GTPBP4: variants seen among roughly 807,000 people sequenced by gnomAD.
The protein encoded by GTPBP4 is GTP-binding protein 4.
Under a neutral mutation model 81.7 loss-of-function variants are expected in GTPBP4, and 15 were observed. That is an observed-to-expected ratio of 0.18 (90% CI 0.12 to 0.28). GTPBP4 has a LOEUF of 0.28. Among genes scored for constraint, GTPBP4 ranks in the 10% least tolerant of loss-of-function variants. The pLI is 1.00. For synonymous variants in GTPBP4, 272 were observed against 274.6 expected (o/e 0.99, Z 0.09); for missense variants, 847 against 793.8 (o/e 1.07, Z -0.81).
chr10:1,011,190 T>A, intron 13 of GTPBP4, among the ~76,000 whole-genome samples: 1 of 98,684 alleles, frequency 1.0e-5, no homozygotes, highest in South Asian at 3.6e-4. Flanking sequence ...TGCACCACCT[T>A]CCCCACCCTG....
chr10:990,871 A>G (rs2132153358), intron 1 of GTPBP4, among the ~76,000 whole-genome samples: 1 of 151,492 alleles, frequency 6.6e-6, no homozygotes, highest in South Asian at 2.1e-4. Context: ...GTCAGGGGGA[A>G]CCTTATGAAG....
At position 1,000,755 on chromosome 10, in the gene GTPBP4, G is replaced by A; in HGVS notation, c.733G>A (p.Ala245Thr). 6.2e-7 allele frequency: 1 copy of A among 1,604,840 alleles called. No individual in the cohort carries two copies. Among genetic ancestry groups the A allele is most frequent in the Non-Finnish European group, 8.5e-7 (1 of 1,175,364 alleles). Residue 245 changes from alanine (A) to threonine (T), a missense_variant, in exon 7 of 17, where the codon GCC becomes ACC. Ala to Thr is a moderately conservative substitution (Grantham distance 58). Coordinates refer to ENST00000360803, the MANE Select transcript of GTPBP4 (RefSeq NM_012341.3). Reference sequence around the variant, plus strand: ...CGAGATGCAGGCCATCACTGCCCTGGCCCACCTCCGTGCTGCGGTCCTGTA... The same window carrying A: ...CGAGATGCAGGCCATCACTGCCCTGACCCACCTCCGTGCTGCGGTCCTGTA... ...TIEMQAITALAHLRAAVLYVM... is the reference protein window; with the variant it reads ...TIEMQAITALTHLRAAVLYVM...
rs767407623 is a variant in GTPBP4, at chr10:1,019,615, A to G, written c.*2388A>G. Reference sequence around the variant, plus strand: ...AACCTCTCGGCAATGGTTCTTAGCCAGGGGGTGACTTTGACTTCACCCCTC... The same window carrying G: ...AACCTCTCGGCAATGGTTCTTAGCCGGGGGGTGACTTTGACTTCACCCCTC... On this transcript the variant is annotated 3_prime_UTR_variant, in exon 17 of 17. Transcript: ENST00000360803. 6.2e-7 allele frequency: 1 copy of G among 1,613,954 alleles called. No individual in the cohort carries two copies. The highest frequency in any genetic ancestry group is 1.7e-5 in the Admixed American group (1 of 59,992).
Position 1,007,977 on chromosome 10 carries a change from TTC to T in GTPBP4, c.1113+853_1113+854del, listed in dbSNP as rs746832771. Reference sequence around the variant, plus strand: ...CTTGTCAGATACATTGCAAATTTTTTTCTCTTTTTGTCACTTGCCTTTTTAAC... The same window carrying T: ...CTTGTCAGATACATTGCAAATTTTTTTCTTTTTGTCACTTGCCTTTTTAAC... On this transcript the variant is annotated intron_variant, in intron 10 of 16. Coordinates refer to ENST00000360803, the MANE Select transcript of GTPBP4 (RefSeq NM_012341.3). 21 of 517,828 alleles carry T rather than the reference TTC, an allele frequency of 4.1e-5. 2 individuals are homozygous for T. Among genetic ancestry groups the T allele is most frequent in the South Asian group, 2.5e-4 (18 of 71,352 alleles). 32.1% of individuals were successfully genotyped at this position (517,828 alleles called of 1,614,324 possible). A position where few individuals can be genotyped will look rare whatever the true frequency, so the allele number is the denominator to read the frequency against.
chr10:1,007,171 A>G (rs1266850980), intron 10 of GTPBP4, 43 bp downstream of exon 10: 1 of 1,073,570 alleles, frequency 9.3e-7, no homozygotes, highest in Non-Finnish European at 1.5e-6. Context: ...CAGTACTGTC[A>G]GCAGGTGCTG....
chr10:992,074 A>G (rs1270118083), intron 1 of GTPBP4, among the ~76,000 whole-genome samples: 3 of 151,470 alleles, frequency 2.0e-5, no homozygotes, highest in African/African-American at 7.3e-5. Context: ...TTGTAATTTA[A>G]AATATGTAGT....
intron 12 of GTPBP4, 56 bp downstream of exon 12, chr10:1,009,636 C>A: frequency 1.0e-6 from 1 of 966,710 alleles, no homozygotes; most frequent in Non-Finnish European, 1.7e-6. Flanking sequence ...TGAAGTATTT[C>A]AGAAAATGGG....
intron 4 of GTPBP4, 46 bp downstream of exon 4, chr10:996,288 A>T (rs767946324): frequency 6.4e-7 from 1 of 1,556,274 alleles, no homozygotes; most frequent in Non-Finnish European, 8.7e-7. Context: ...TCCTGCTGAG[A>T]GGATGCGTCC....
chr10:995,716 C>T (rs1238750228), intron 2 of GTPBP4, among the ~76,000 whole-genome samples: 1 of 152,028 alleles, frequency 6.6e-6, no homozygotes, highest in Non-Finnish European at 1.5e-5. Flanking sequence ...GCACTGAGAG[C>T]GAGGTGGGTG....
chr10:992,509 G>A lies in GTPBP4; in HGVS notation c.69G>A (p.Leu23=). 6.2e-7 allele frequency: 1 copy of A among 1,601,616 alleles called. No individual in the cohort carries two copies. Residue 23 remains leucine (L), a synonymous_variant, in exon 2 of 17, where the codon TTG becomes TTA. Transcript: ENST00000360803. ...PSAKDFIDLT[L]SKTQRKTPTV... ...TGCAGGACTTCATAGACCTCACGTTGTCGAAGACTCAACGAAAGACTCCAA... is the reference window on the plus strand; with the variant it reads ...TGCAGGACTTCATAGACCTCACGTTATCGAAGACTCAACGAAAGACTCCAA...
chr10:1,010,337 T>G, intron 12 of GTPBP4, 83 bp from the exon 13 acceptor site: 1 of 726,884 alleles, frequency 1.4e-6, no homozygotes, highest in Non-Finnish European at 2.5e-6. Context: ...TGATTTGCCG[T>G]CAGTCACAAC....
At chr10:991,409 G>A (rs1185569300) in intron 1 of GTPBP4, among the ~76,000 whole-genome samples, 2 of 152,198 alleles carry the variant, frequency 1.3e-5, no homozygotes, top group Admixed American at 1.3e-4. Context: ...TTATTAAAGA[G>A]AAGTGCTGAC....
chr10:998,157 T>C (rs979309924), intron 5 of GTPBP4, among the ~76,000 whole-genome samples: 1 of 152,190 alleles, frequency 6.6e-6, no homozygotes, highest in Non-Finnish European at 1.5e-5. Context: ...TGAAGTGCAG[T>C]GGTGCAGACA....
At chr10:997,415 T>G (rs929410641) in intron 5 of GTPBP4, 107 bp downstream of exon 5, 6 of 772,414 alleles carry the variant, frequency 7.8e-6, no homozygotes, top group Non-Finnish European at 1.2e-5. Context: ...CAGTGTTAAC[T>G]GTATTCTGAC....
At chr10:1,011,642 C>G (rs924265383) in intron 13 of GTPBP4, among the ~76,000 whole-genome samples, 1 of 152,256 alleles carries the variant, frequency 6.6e-6, no homozygotes, top group East Asian at 1.9e-4. Context: ...CATTTTCAGT[C>G]TCGTGGTCTC....
At chr10:993,995 G>A (rs1375969686) in intron 2 of GTPBP4, among the ~76,000 whole-genome samples, 1 of 151,744 alleles carries the variant, frequency 6.6e-6, no homozygotes, top group Non-Finnish European at 1.5e-5. Flanking sequence ...CTGACCTCAG[G>A]TGATCCGCCT....
In GTPBP4 at chr10:996,041, C is replaced by G. The variant is rs148276311; in HGVS notation, c.323+9C>G. 0.019 allele frequency: 29,880 copies of G among 1,594,168 alleles called. 476 individuals carry two copies. The highest frequency in any genetic ancestry group is 0.077 in the Admixed American group (4,578 of 59,792). On this transcript the variant is annotated intron_variant, in intron 3 of 16. Coordinates refer to ENST00000360803, the MANE Select transcript of GTPBP4 (RefSeq NM_012341.3). ...AAAAATTTAGTGGACAAGTAAGGTACTTTTTTCTGTAGTGTCTTTTAAGTT... is the reference window on the plus strand; with the variant it reads ...AAAAATTTAGTGGACAAGTAAGGTAGTTTTTTCTGTAGTGTCTTTTAAGTT...
chr10:996,871 A>G, intron 4 of GTPBP4: 1 of 273,370 alleles, frequency 3.7e-6, no homozygotes, highest in Admixed American at 5.4e-5. Flanking sequence ...CAGGCTTCAA[A>G]GTGCACTGGT....
intron 2 of GTPBP4, among the ~76,000 whole-genome samples, chr10:994,415 T>C (rs1437299786): frequency 1.3e-5 from 2 of 152,070 alleles, no homozygotes; most frequent in African/African-American, 4.8e-5. Context: ...ATTACAGGCA[T>C]GTGCGACTAT....
Sources: gnomAD v4.1 joint callset for allele counts (sites outside exome capture counted in the v4.1 genomes callset) on GRCh38, gnomAD v4.1.1 for gene constraint, MANE v1.5 for transcripts, NCBI Gene and HGNC (gene_info 2026-07-23, HGNC 2026-07-21) for gene names.